Variants in CNTN5 observed in about 807,000 individuals in gnomAD.
The protein encoded by CNTN5 is contactin 5.
CNTN5 carries 77 observed loss-of-function variants against 129.1 expected under a neutral mutation model. The ratio of observed to expected loss-of-function variants is 0.60; its 90% CI spans 0.50 to 0.72. CNTN5 has a LOEUF of 0.72. Among genes scored for constraint, CNTN5 ranks in the 30% least tolerant of loss-of-function variants. CNTN5 has a pLI of 0.00. For missense variants in CNTN5, 1,478 were observed against 1,328.8 expected (o/e 1.11, Z -1.75); for synonymous variants, 509 against 465.6 (o/e 1.09, Z -1.20).
intron 1 of CNTN5, among the ~76,000 whole-genome samples, chr11:99,071,695 A>C (rs760880879): frequency 3.3e-5 from 5 of 152,112 alleles, no homozygotes; most frequent in Non-Finnish European, 7.4e-5. Context: ...GTCTAGAATA[A>C]CTGTTGCTTA....
chr11:99,395,227 G>A (rs1361738499), intron 2 of CNTN5, among the ~76,000 whole-genome samples: 1 of 151,772 alleles, frequency 6.6e-6, no homozygotes, highest in East Asian at 1.9e-4. Flanking sequence ...TTTAACAATA[G>A]CCATTCCGAC....
At chr11:99,454,638 C>G (rs1944430738) in intron 2 of CNTN5, among the ~76,000 whole-genome samples, 3 of 152,154 alleles carry the variant, frequency 2.0e-5, no homozygotes, top group Admixed American at 2.0e-4. Context: ...CCATGCTGAA[C>G]TGTGAGTCAA....
intron 2 of CNTN5, among the ~76,000 whole-genome samples, chr11:99,334,955 T>C (rs1210666831): frequency 6.6e-6 from 1 of 152,126 alleles, no homozygotes; most frequent in African/African-American, 2.4e-5. Flanking sequence ...TCAACCTAAC[T>C]ATCAGCAAAG....
intron 3 of CNTN5, among the ~76,000 whole-genome samples, chr11:99,786,789 G>C (rs2099811): frequency 0.65 from 98,662 of 151,960 alleles, 32,128 homozygotes; most frequent in East Asian, 0.73. Flanking sequence ...TGTTGGGAAA[G>C]TGGCTAGCCA....
At chr11:100,261,121 G>T (rs889351789) in intron 17 of CNTN5, among the ~76,000 whole-genome samples, 1 of 152,022 alleles carries the variant, frequency 6.6e-6, no homozygotes, top group Admixed American at 6.6e-5. Flanking sequence ...AAATCAATGG[G>T]CAAAAATTAC....
intron 1 of CNTN5, among the ~76,000 whole-genome samples, chr11:99,168,282 G>A (rs1278038106): frequency 6.6e-6 from 1 of 152,066 alleles, no homozygotes; most frequent in Non-Finnish European, 1.5e-5. Context: ...TACAAGTTGA[G>A]GCTGGGTGTG....
chr11:100,340,186 T>G (rs1952128811), intron 21 of CNTN5, among the ~76,000 whole-genome samples: 2 of 152,212 alleles, frequency 1.3e-5, no homozygotes, highest in African/African-American at 2.4e-5. Context: ...AATGTCAGGA[T>G]GCATTTTCAC....
intron 3 of CNTN5, among the ~76,000 whole-genome samples, chr11:99,699,550 T>C (rs889348665): frequency 3.3e-5 from 5 of 151,482 alleles, no homozygotes; most frequent in Admixed American, 6.6e-5. Context: ...TGATTTTTTA[T>C]CTATAAAACT....
At chr11:100,015,130 T>G (rs190378493) in intron 9 of CNTN5, among the ~76,000 whole-genome samples, 48 of 152,150 alleles carry the variant, frequency 3.2e-4, no homozygotes, top group Non-Finnish European at 6.3e-4. Flanking sequence ...GTAATAGGTA[T>G]ATATATGTAC....
intron 3 of CNTN5, among the ~76,000 whole-genome samples, chr11:99,636,881 C>T (rs1951577638): frequency 1.4e-5 from 2 of 143,922 alleles, no homozygotes; most frequent in South Asian, 4.6e-4. Flanking sequence ...GGCATGGCGG[C>T]ACATGCCTGT....
At chr11:99,119,821 A>T (rs1453368126) in intron 1 of CNTN5, among the ~76,000 whole-genome samples, 1 of 152,040 alleles carries the variant, frequency 6.6e-6, no homozygotes, top group Non-Finnish European at 1.5e-5. Flanking sequence ...TTTCAATAAT[A>T]GCCACAGTGA....
intron 3 of CNTN5, among the ~76,000 whole-genome samples, chr11:99,722,661 G>T (rs1441459186): frequency 6.6e-6 from 1 of 152,050 alleles, no homozygotes; most frequent in Non-Finnish European, 1.5e-5. Flanking sequence ...GGAAGTTCTA[G>T]TCAACCCTAA....
chr11:99,620,386 C>T (rs988278279), intron 3 of CNTN5, among the ~76,000 whole-genome samples: 1 of 151,652 alleles, frequency 6.6e-6, no homozygotes, highest in Non-Finnish European at 1.5e-5. Context: ...TCATTGCCAG[C>T]ATATAATATT....
chr11:99,487,200 C>T (rs978598136), intron 2 of CNTN5, among the ~76,000 whole-genome samples: 11 of 152,142 alleles, frequency 7.2e-5, no homozygotes, highest in African/African-American at 2.7e-4. Flanking sequence ...GTGTCCACCA[C>T]GTTTTAAGGT....
intron 8 of CNTN5, among the ~76,000 whole-genome samples, chr11:99,992,666 T>C (rs1939189264): frequency 6.6e-6 from 1 of 152,194 alleles, no homozygotes; most frequent in African/African-American, 2.4e-5. Flanking sequence ...TTCTGGTGTT[T>C]TGGCTCTCTG....
intron 1 of CNTN5, among the ~76,000 whole-genome samples, chr11:99,200,905 G>T (rs1009988556): frequency 1.3e-5 from 2 of 151,742 alleles, no homozygotes; most frequent in African/African-American, 4.8e-5. Flanking sequence ...CACCTTCTTT[G>T]GGAACAGTTC....
intron 1 of CNTN5, among the ~76,000 whole-genome samples, chr11:99,139,731 AT>A (rs1859421814): frequency 6.6e-6 from 1 of 152,272 alleles, no homozygotes; most frequent in South Asian, 2.1e-4. Flanking sequence ...AAAAATTCTT[AT>A]TTGGCAGCTT....
chr11:99,501,723 A>G (rs537028839), intron 2 of CNTN5, among the ~76,000 whole-genome samples: 1 of 152,350 alleles, frequency 6.6e-6, no homozygotes, highest in East Asian at 1.9e-4. Context: ...TTTATAAAAT[A>G]ATGCAATTAT....
chr11:99,796,254 C>A (rs1387515736), intron 3 of CNTN5, among the ~76,000 whole-genome samples: 1 of 152,106 alleles, frequency 6.6e-6, no homozygotes, highest in Non-Finnish European at 1.5e-5. Flanking sequence ...GGCACATTTG[C>A]ACCAGCAATG....
Sources: gnomAD v4.1 joint callset for allele counts (sites outside exome capture counted in the v4.1 genomes callset) on GRCh38, gnomAD v4.1.1 for gene constraint, MANE v1.5 for transcripts, NCBI Gene and HGNC (gene_info 2026-07-23, HGNC 2026-07-21) for gene names.